The following ZNF536 variants were observed in gnomAD, a reference collection of about 807,000 sequenced individuals.
The protein encoded by ZNF536 is zinc finger protein 536.
Under a neutral mutation model 84.5 loss-of-function variants are expected in ZNF536, and 13 were observed. The ratio of observed to expected loss-of-function variants is 0.15; its 90% CI spans 0.10 to 0.24. The LOEUF is 0.24. Ranked by LOEUF, ZNF536 falls within the 10% of genes least tolerant of loss-of-function variation. The pLI is 1.00. For synonymous variants in ZNF536, 811 were observed against 742.5 expected, an observed-to-expected ratio of 1.09 and a Z score of -1.50; for missense variants, 1,536 against 1,747.5, an observed-to-expected ratio of 0.88 and a Z score of 2.16.
At chr19:30,298,679 C>T (rs1187091677) in intron 2 of ZNF536, among the ~76,000 whole-genome samples, 1 of 152,202 alleles carries the variant, frequency 6.6e-6, no homozygotes, top group African/African-American at 2.4e-5. Context: ...GTGTAGGTTC[C>T]CATTCCCCAT....
rs371994721 is a variant in ZNF536 at position 30,462,959 on chromosome 19, G to A, written c.2170+17227G>A. On this transcript the variant is annotated intron_variant, in intron 2 of 4. Coordinates refer to ENST00000355537, the MANE Select transcript of ZNF536 (RefSeq NM_014717.3). ...TGTGTTTGCTGGGATGGGCGTATCCGTATGCATTTGCCTGTGTTGGAATGG... is the reference window on the plus strand; with the variant it reads ...TGTGTTTGCTGGGATGGGCGTATCCATATGCATTTGCCTGTGTTGGAATGG... Among the ~76,000 whole-genome samples the A allele has an allele frequency of 1.5e-3, 209 of 138,834 alleles. 8 individuals carry two copies. Among genetic ancestry groups the A allele is most frequent in the African/African-American group, 5.0e-3 (194 of 38,490 alleles). 91.1% of individuals were successfully genotyped at this position (138,834 alleles called of 152,430 possible).
At chr19:30,681,625 A>T (rs1291410854) in intron 1 of ZNF536, among the ~76,000 whole-genome samples, 1 of 152,208 alleles carries the variant, frequency 6.6e-6, no homozygotes, top group Non-Finnish European at 1.5e-5. Flanking sequence ...TGCCCAGCAG[A>T]TACTGGTGGC....
At chr19:30,698,346 C>T (rs906739651) in intron 1 of ZNF536, among the ~76,000 whole-genome samples, 6 of 152,108 alleles carry the variant, frequency 3.9e-5, no homozygotes, top group South Asian at 2.1e-4. Flanking sequence ...TAGATTTCAC[C>T]GCCATTTCCC....
intron 1 of ZNF536, among the ~76,000 whole-genome samples, chr19:30,276,257 A>G (rs1271772161): frequency 6.6e-6 from 1 of 152,204 alleles, no homozygotes; most frequent in Non-Finnish European, 1.5e-5. Flanking sequence ...GACGGTTTCC[A>G]AAACAGCTAT....
chr19:30,386,615 C>G (rs1469536417), intron 1 of ZNF536, among the ~76,000 whole-genome samples: 1 of 152,188 alleles, frequency 6.6e-6, no homozygotes, highest in Admixed American at 6.5e-5. Context: ...AGAGCTCGAG[C>G]AATCCTCCTG....
chr19:30,700,216 C>CCTTCCTTCTT (rs1568684650), intron 1 of ZNF536, among the ~76,000 whole-genome samples: 1 of 86,744 alleles, frequency 1.2e-5, no homozygotes, highest in African/African-American at 3.5e-5. Flanking sequence ...TTCTTTCCTT[C>CCTTCCTTCTT]TTTCTTTCTT....
chr19:30,543,695 G>A (rs61684550), intron 3 of ZNF536, among the ~76,000 whole-genome samples: 3,372 of 152,326 alleles, frequency 0.022, 105 homozygotes, highest in African/African-American at 0.073. Context: ...GATGTAGACC[G>A]CACCCCGGAG....
chr19:30,300,062 A>G (rs1328369135), intron 2 of ZNF536, among the ~76,000 whole-genome samples: 1 of 152,206 alleles, frequency 6.6e-6, no homozygotes, highest in African/African-American at 2.4e-5. Context: ...AAATATTGGA[A>G]ATGGCATTTG....
At chr19:30,287,889 A>C (rs979302987) in intron 2 of ZNF536, among the ~76,000 whole-genome samples, 2 of 152,214 alleles carry the variant, frequency 1.3e-5, no homozygotes, top group African/African-American at 4.8e-5. Flanking sequence ...TGTACCTTAG[A>C]ATATTGGGCT....
At chr19:30,641,708 A>G (rs1194443632) in intron 1 of ZNF536, among the ~76,000 whole-genome samples, 12 of 152,180 alleles carry the variant, frequency 7.9e-5, no homozygotes, top group Admixed American at 7.9e-4. Flanking sequence ...TGAAATATTT[A>G]TATCCTTTTT....
chr19:30,344,597 C>T lies in ZNF536; in HGVS notation c.-119-7771C>T, dbSNP rs116164503. ...CAGCTCTTGGGTCTCCCCTGTCCAA[C>T]GCTGGGCCTGGCCTGCCACACCTTA... On this transcript the variant is annotated intron_variant, in intron 2 of 5. Transcript: ENST00000585628. Among the ~76,000 whole-genome samples, 1,250 of 152,140 alleles carry T rather than the reference C, an allele frequency of 8.2e-3. 17 individuals carry two copies. Among genetic ancestry groups the T allele is most frequent in the African/African-American group, 0.029 (1,216 of 41,500 alleles).
intron 1 of ZNF536, among the ~76,000 whole-genome samples, chr19:30,391,675 C>A (rs920108037): frequency 1.3e-5 from 2 of 151,524 alleles, no homozygotes; most frequent in Non-Finnish European, 2.9e-5. Context: ...CCAGGATAGA[C>A]CACAGAGCGA....
At chr19:30,414,198 G>A (rs1242450149) in intron 1 of ZNF536, among the ~76,000 whole-genome samples, 1 of 141,046 alleles carries the variant, frequency 7.1e-6, no homozygotes, top group African/African-American at 2.6e-5. Flanking sequence ...TTGTTTTATT[G>A]ATGTTGCTTT....
chr19:30,548,349 C>G lies in ZNF536; in HGVS notation c.2730C>G (p.Asn910Lys), dbSNP rs111707808. 6.2e-7 allele frequency: 1 copy of G among 1,614,056 alleles called. No homozygotes were observed. The highest frequency in any genetic ancestry group is 1.1e-5 in the South Asian group (1 of 91,074). Reference protein sequence around the residue: ...IGRAYQSIVSNGVNFQGSLQA... With the variant: ...IGRAYQSIVSKGVNFQGSLQA... ...GAGCTTATCAAAGCATTGTGAGCAA[C>G]GGTGTGAATTTCCAAGGGTCCTTGC... The change falls in exon 4 of 5, where the codon AAC (asparagine) becomes AAG (lysine). Residue 910 changes from asparagine to lysine, a missense_variant. By Grantham distance (94) the Asn-to-Lys change is moderately conservative (BLOSUM62 0). Around this residue, in one of 8 missense-constraint regions of ZNF536, gnomAD observed 624 missense variants for 603.1 expected, o/e 1.03. Coordinates refer to ENST00000355537, the MANE Select transcript of ZNF536 (RefSeq NM_014717.3).
chr19:30,327,622 TGCATGAA>T (rs896590774), intron 2 of ZNF536, among the ~76,000 whole-genome samples: 32 of 152,352 alleles, frequency 2.1e-4, no homozygotes, highest in African/African-American at 7.5e-4. Flanking sequence ...TCTGGAAACC[TGCATGAA>T]GCAGCCATGC....
intron 1 of ZNF536, among the ~76,000 whole-genome samples, chr19:30,383,409 G>C (rs1044422907): frequency 2.0e-5 from 3 of 152,210 alleles, no homozygotes; most frequent in African/African-American, 4.8e-5. Flanking sequence ...GCCCAGTTCA[G>C]ATGGTGAACA....
At chr19:30,345,051 C>G (rs898835039) in intron 2 of ZNF536, among the ~76,000 whole-genome samples, 1 of 152,328 alleles carries the variant, frequency 6.6e-6, no homozygotes, top group Admixed American at 6.5e-5. Flanking sequence ...AACTCGGTAC[C>G]AGGCATATTA....
chr19:30,661,305 G>T (rs2050113451), intron 1 of ZNF536, among the ~76,000 whole-genome samples: 1 of 152,114 alleles, frequency 6.6e-6, no homozygotes, highest in Non-Finnish European at 1.5e-5. Flanking sequence ...ACAGATTTTT[G>T]GGTGAGTGTG....
chr19:30,454,087 G>A (rs2052730628), intron 2 of ZNF536, among the ~76,000 whole-genome samples: 1 of 152,236 alleles, frequency 6.6e-6, no homozygotes, highest in African/African-American at 2.4e-5. Context: ...AAAGGACAGG[G>A]TCATTTTCCA....
Sources: allele counts gnomAD v4.1 joint callset (sites outside exome capture counted in the v4.1 genomes callset), GRCh38; gene constraint gnomAD v4.1.1; regional missense constraint gnomAD v4.1.1; transcripts MANE v1.5; gene names NCBI Gene and HGNC (gene_info 2026-07-23, HGNC 2026-07-21).